NSL1: variants seen among roughly 807,000 people sequenced by gnomAD.
NSL1 encodes kinetochore-associated protein NSL1 homolog.
A neutral mutation model predicts 25.4 loss-of-function variants in NSL1; 11 were observed. That is an observed-to-expected ratio of 0.43 (90% confidence interval 0.27 to 0.72). NSL1 has a LOEUF of 0.72. NSL1 is among the 30% of genes least tolerant of loss of function. NSL1 has a pLI of 0.19. For missense variants in NSL1, 330 were observed against 342.7 expected (o/e 0.96, Z 0.29); for synonymous variants, 118 against 120.6 (o/e 0.98, Z 0.14).
At chr1:212,745,474 T>C (rs1658744399) in intron 4 of NSL1, among the ~76,000 whole-genome samples, 1 of 151,908 alleles carries the variant, frequency 6.6e-6, no homozygotes, top group Non-Finnish European at 1.5e-5. Context: ...AAGAGAGAAG[T>C]GATTCATTAC....
intron 2 of NSL1, among the ~76,000 whole-genome samples, chr1:212,786,625 T>C (rs976976632): frequency 6.6e-6 from 1 of 152,200 alleles, no homozygotes. Context: ...CTGGCCAACA[T>C]GGTAAAACCC....
intron 4 of NSL1, among the ~76,000 whole-genome samples, chr1:212,750,043 T>C (rs1438822592): frequency 6.6e-6 from 1 of 151,408 alleles, no homozygotes; most frequent in East Asian, 1.9e-4. Context: ...CTAACCCCAG[T>C]GAGAACCCTG....
At chr1:212,758,854 TG>T (rs1659428989) in intron 4 of NSL1, among the ~76,000 whole-genome samples, 1 of 152,210 alleles carries the variant, frequency 6.6e-6, no homozygotes, top group East Asian at 1.9e-4. Flanking sequence ...AGAACAAGGT[TG>T]GAAGACTCAT....
chr1:212,777,494 T>TATATAAATACTATATA (rs1660428221), intron 4 of NSL1, among the ~76,000 whole-genome samples: 1 of 152,150 alleles, frequency 6.6e-6, no homozygotes, highest in Non-Finnish European at 1.5e-5. Flanking sequence ...AATAGCTAAA[T>TATATAAATACTATATA]GAATAGAGAG....
rs1399429377 is a variant in NSL1, at chr1:212,729,723, CCT to C, written c.*8683_*8684del. 9.1e-6 allele frequency: 9 copies of C among 985,326 alleles called. No homozygotes were observed. Among genetic ancestry groups the C allele is most frequent in the East Asian group, 1.1e-4 (1 of 8,828 alleles). The allele number at this position is 985,326 out of a possible 1,614,324, so 61.0% of individuals were successfully genotyped here. ...AAGCAAGATACCAAGGTCAAATCCT[CCT>C]CTCTTTTCCTTTTTCCTATCCGCTC... On this transcript the variant is annotated 3_prime_UTR_variant, in exon 6 of 6. Transcript: ENST00000366977.
chr1:212,754,781 A>C (rs947621185), intron 4 of NSL1, among the ~76,000 whole-genome samples: 23 of 151,166 alleles, frequency 1.5e-4, no homozygotes, highest in Admixed American at 4.6e-4. Flanking sequence ...AAAAAAAAAA[A>C]AAAACCAACT....
chr1:212,762,293 G>A lies in NSL1; in HGVS notation c.499+20079C>T, dbSNP rs1336707526. 5.4e-5 allele frequency among the ~76,000 whole-genome samples: 6 copies of A among 111,114 alleles called. 1 individual carries two copies. In the South Asian group the frequency reaches 9.4e-4, roughly 17 times the overall value. The allele number at this position is 111,114 out of a possible 152,430, so 72.9% of individuals were successfully genotyped here. ...AGTCTGGGCAACAGAGTCTCACTCT[G>A]TCTTAAAAGAAACAAAAAAAAAAAA... On this transcript the variant is annotated intron_variant, in intron 4 of 5. Transcript: ENST00000366977.
chr1:212,762,306 C>CAAAAAAAAAA (rs71147025), intron 4 of NSL1, among the ~76,000 whole-genome samples: 132 of 114,586 alleles, frequency 1.2e-3, no homozygotes, highest in Non-Finnish European at 1.6e-3. Context: ...TTAAAAGAAA[C>CAAAAAAAAAA]AAAAAAAAAA....
At chr1:212,765,072 G>GTGA (rs1228430361) in intron 4 of NSL1, among the ~76,000 whole-genome samples, 1 of 151,888 alleles carries the variant, frequency 6.6e-6, no homozygotes, top group Non-Finnish European at 1.5e-5. Context: ...ATAACAAGCA[G>GTGA]TGAGACTGAA....
At position 212,730,237 on chromosome 1, in the gene NSL1, C is replaced by CAAAAAAAAAAAAAAAAAAAAAA; in HGVS notation, c.*8149_*8170dup. 1.9e-6 allele frequency: 1 copy of CAAAAAAAAAAAAAAAAAAAAAA among 540,402 alleles called. No individual in the cohort carries two copies. Among genetic ancestry groups the CAAAAAAAAAAAAAAAAAAAAAA allele is most frequent in the Non-Finnish European group, 2.1e-6 (1 of 481,528 alleles). The allele number at this position is 540,402 out of a possible 1,614,324, so 33.5% of individuals were successfully genotyped here. A position where few individuals can be genotyped will look rare whatever the true frequency, so the allele number is the denominator to read the frequency against. ...TACACTCCAGCCTGGGTGACAGTCT[C>CAAAAAAAAAAAAAAAAAAAAAA]AAAAAAAAAAAAAAAAAAAAAAAAA... On this transcript the variant is annotated 3_prime_UTR_variant, in exon 6 of 6. Transcript: ENST00000366977.
At chr1:212,742,119 T>G (rs1346321387) in intron 4 of NSL1, among the ~76,000 whole-genome samples, 1 of 152,204 alleles carries the variant, frequency 6.6e-6, no homozygotes, top group Non-Finnish European at 1.5e-5. Context: ...TAGGTAATAT[T>G]TCTACACATA....
intron 4 of NSL1, among the ~76,000 whole-genome samples, chr1:212,758,608 A>C (rs1361861649): frequency 6.6e-6 from 1 of 152,240 alleles, no homozygotes; most frequent in Non-Finnish European, 1.5e-5. Flanking sequence ...AAGAAGTGCT[A>C]AAAGCTGGAA....
chr1:212,781,223 T>C (rs1571918402), intron 4 of NSL1, among the ~76,000 whole-genome samples: 1 of 152,328 alleles, frequency 6.6e-6, no homozygotes, highest in East Asian at 1.9e-4. Flanking sequence ...ACAGTGAAAG[T>C]AAAATCACAT....
At chr1:212,789,270 G>C (rs926953322) in intron 1 of NSL1, among the ~76,000 whole-genome samples, 19 of 151,998 alleles carry the variant, frequency 1.3e-4, no homozygotes, top group African/African-American at 4.4e-4. Context: ...GGAGTGCAAT[G>C]GCGCAATCTT....
chr1:212,745,822 G>A (rs1247338709), intron 4 of NSL1, among the ~76,000 whole-genome samples: 1 of 152,014 alleles, frequency 6.6e-6, no homozygotes, highest in Non-Finnish European at 1.5e-5. Flanking sequence ...AAAATCAGCT[G>A]GGCTTGGTGG....
chr1:212,766,310 T>C, intron 4 of NSL1: 1 of 588,944 alleles, frequency 1.7e-6, no homozygotes, highest in South Asian at 2.1e-5. Context: ...TCACCACTTC[T>C]ATTCAACATA....
At chr1:212,787,861 TA>T (rs1215607469) in intron 1 of NSL1, among the ~76,000 whole-genome samples, 1 of 152,144 alleles carries the variant, frequency 6.6e-6, no homozygotes, top group Non-Finnish European at 1.5e-5. Context: ...AAATCTGATT[TA>T]AAATTTTGGA....
intron 3 of NSL1, among the ~76,000 whole-genome samples, chr1:212,782,991 AAAAG>A (rs1275013084): frequency 2.0e-5 from 3 of 152,164 alleles, no homozygotes; most frequent in Non-Finnish European, 4.4e-5. Flanking sequence ...CAAAAAGGTT[AAAAG>A]AAAGAAAACA....
At chr1:212,765,288 GA>G (rs1264670368) in intron 4 of NSL1, among the ~76,000 whole-genome samples, 2 of 152,010 alleles carry the variant, frequency 1.3e-5, no homozygotes, top group Non-Finnish European at 2.9e-5. Flanking sequence ...AACAAAAAAA[GA>G]AAACTACAGA....
Sources: allele counts gnomAD v4.1 joint callset (sites outside exome capture counted in the v4.1 genomes callset), GRCh38; gene constraint gnomAD v4.1.1; transcripts MANE v1.5; gene names NCBI Gene and HGNC (gene_info 2026-07-23, HGNC 2026-07-21).